AGBL1: variants seen among roughly 807,000 people sequenced by gnomAD.
AGBL1 encodes AGBL carboxypeptidase 1, also known as cytosolic carboxypeptidase 4.
Under a neutral mutation model 118.9 loss-of-function variants are expected in AGBL1, and 130 were observed. The ratio of observed to expected loss-of-function variants is 1.09; its 90% CI spans 0.95 to 1.26. The LOEUF is 1.26. Ranked by LOEUF, AGBL1 falls within the 50% of genes most tolerant of loss-of-function variation. The probability of loss-of-function intolerance (pLI) is 0.00; values close to 1 mark genes in which losing one functional copy is unlikely to be tolerated. For synonymous variants in AGBL1, 555 were observed against 478.9 expected, an observed-to-expected ratio of 1.16 and a Z score of -2.08; for missense variants, 1,584 against 1,298.1, an observed-to-expected ratio of 1.22 and a Z score of -3.38.
At chr15:86,691,453 G>A (rs942240068) in intron 22 of AGBL1, among the ~76,000 whole-genome samples, 12 of 152,120 alleles carry the variant, frequency 7.9e-5, no homozygotes, top group African/African-American at 2.9e-4. Flanking sequence ...TTGTTTCTCT[G>A]CATTGGCCAA....
chr15:86,904,332 T>G (rs1398481150), intron 22 of AGBL1, among the ~76,000 whole-genome samples: 1 of 151,616 alleles, frequency 6.6e-6, no homozygotes, highest in Admixed American at 6.6e-5. Flanking sequence ...CGTTTCAGTG[T>G]CTTCTTATTT....
chr15:86,577,710 C>T (rs2084111967), intron 21 of AGBL1, among the ~76,000 whole-genome samples: 3 of 152,142 alleles, frequency 2.0e-5, no homozygotes, highest in Admixed American at 6.5e-5. Flanking sequence ...CCCTGTGTCC[C>T]AGTCACTCCA....
chr15:86,308,269 G>C (rs2079870026), intron 17 of AGBL1, among the ~76,000 whole-genome samples: 1 of 152,062 alleles, frequency 6.6e-6, no homozygotes, highest in African/African-American at 2.4e-5. Context: ...GATTGTATTT[G>C]AAGTAAGGAA....
chr15:86,988,668 G>A (rs1286995586), intron 24 of AGBL1, among the ~76,000 whole-genome samples: 1 of 151,910 alleles, frequency 6.6e-6, no homozygotes, highest in Non-Finnish European at 1.5e-5. Flanking sequence ...TTAATATTTT[G>A]GCAATGCAAA....
intron 21 of AGBL1, among the ~76,000 whole-genome samples, chr15:86,588,860 C>T (rs1225942426): frequency 6.6e-6 from 1 of 152,092 alleles, no homozygotes; most frequent in Non-Finnish European, 1.5e-5. Context: ...TGTGTTAAGC[C>T]TTTATTATTT....
At chr15:86,653,730 T>G (rs2085416265) in intron 21 of AGBL1, among the ~76,000 whole-genome samples, 1 of 152,074 alleles carries the variant, frequency 6.6e-6, no homozygotes, top group Non-Finnish European at 1.5e-5. Flanking sequence ...AGGAAAGAGC[T>G]CATTTCAAAT....
chr15:86,243,764 T>C (rs1234254979), intron 6 of AGBL1, among the ~76,000 whole-genome samples: 3 of 152,212 alleles, frequency 2.0e-5, no homozygotes, highest in East Asian at 1.9e-4. Flanking sequence ...ATTCCAGCAC[T>C]TGGGGAGGCC....
rs1596259171 is a variant in AGBL1, at chr15:86,554,361, A to G, written c.2818A>G (p.Thr940Ala). 2 of 1,571,624 alleles carry G rather than the reference A, an allele frequency of 1.3e-6. No homozygotes were observed. The highest frequency in any genetic ancestry group is 1.7e-6 in the Non-Finnish European group (2 of 1,158,352). The change falls in exon 21 of 23, where the codon ACT becomes GCT. Residue 940 changes from threonine to alanine, a missense_variant and splice_region_variant. By Grantham distance (58) the Thr-to-Ala change is moderately conservative. Transcript: ENST00000614907. ...CGTTTGATTTTTGTTTTTACTGTAG[A>G]CTCTTCCCAAAATCCTTGATAAGCT... is the stretch of plus-strand genomic sequence containing the variant. Reference protein sequence around the residue: ...STILEEVNYRTLPKILDKLAP... With the variant: ...STILEEVNYRALPKILDKLAP...
At chr15:86,278,798 G>A (rs17666711) in intron 15 of AGBL1, among the ~76,000 whole-genome samples, 1,982 of 152,290 alleles carry the variant, frequency 0.013, 30 homozygotes, top group Non-Finnish European at 0.019. Context: ...AGCATCAGTT[G>A]GCAGCGTGTG....
At chr15:86,408,632 T>C (rs1407359221) in intron 18 of AGBL1, among the ~76,000 whole-genome samples, 7 of 152,210 alleles carry the variant, frequency 4.6e-5, no homozygotes, top group African/African-American at 1.7e-4. Flanking sequence ...TTTTGCTTCA[T>C]TTGGTTTTTA....
At chr15:86,151,473 C>T (rs2077109722) in intron 3 of AGBL1, among the ~76,000 whole-genome samples, 1 of 152,046 alleles carries the variant, frequency 6.6e-6, no homozygotes, top group East Asian at 1.9e-4. Context: ...CAACAAAATT[C>T]AGCCCTTCAT....
chr15:86,607,526 T>G (rs2084594631), intron 21 of AGBL1, among the ~76,000 whole-genome samples: 2 of 152,206 alleles, frequency 1.3e-5, no homozygotes, highest in South Asian at 4.1e-4. Context: ...TGTGGCATTT[T>G]GCATTCCCAG....
rs1390995284 is a variant in AGBL1 at position 86,850,350 on chromosome 15, T to G, written c.3159-56737T>G. Among the ~76,000 whole-genome samples the G allele has an allele frequency of 3.9e-5, 6 of 152,204 alleles. No individual in the cohort carries two copies. The East Asian group carries it at 1.2e-3, about 29-fold the overall frequency. Reference sequence around the variant, plus strand: ...ATGTTGGAGAAATTACCAATATGCATTGCTTTATTTGACTTCCCAGTCTTA... The same window carrying G: ...ATGTTGGAGAAATTACCAATATGCAGTGCTTTATTTGACTTCCCAGTCTTA... On this transcript the variant is annotated intron_variant, in intron 22 of 22. Transcript: ENST00000614907.
chr15:86,488,249 A>G (rs935362019), intron 18 of AGBL1, among the ~76,000 whole-genome samples: 1 of 151,992 alleles, frequency 6.6e-6, no homozygotes, highest in African/African-American at 2.4e-5. Context: ...CTGGGAAGTC[A>G]CCCGAAGATA....
intron 23 of AGBL1, among the ~76,000 whole-genome samples, chr15:86,930,015 T>C (rs556758403): frequency 1.3e-5 from 2 of 152,342 alleles, no homozygotes; most frequent in South Asian, 4.1e-4. Context: ...TTGTCTATCA[T>C]GCATTCCAAC....
At chr15:86,732,416 A>G (rs1164279838) in intron 22 of AGBL1, among the ~76,000 whole-genome samples, 1 of 152,100 alleles carries the variant, frequency 6.6e-6, no homozygotes, top group African/African-American at 2.4e-5. Flanking sequence ...TGCCCTTGTC[A>G]ATGCCTTTTT....
chr15:86,534,749 C>G (rs2083401329), intron 19 of AGBL1, among the ~76,000 whole-genome samples: 1 of 152,204 alleles, frequency 6.6e-6, no homozygotes, highest in Admixed American at 6.5e-5. Flanking sequence ...GGGTGAATCT[C>G]ATAAACATTA....
At chr15:86,302,912 T>C (rs1839121054) in intron 17 of AGBL1, among the ~76,000 whole-genome samples, 3 of 152,062 alleles carry the variant, frequency 2.0e-5, no homozygotes, top group Admixed American at 6.6e-5. Context: ...TTCTTTTTCA[T>C]GTTAAAAAGT....
intron 17 of AGBL1, among the ~76,000 whole-genome samples, chr15:86,304,011 T>C (rs541177280): frequency 6.6e-6 from 1 of 152,190 alleles, no homozygotes; most frequent in Admixed American, 6.5e-5. Context: ...ACTGTTGTAC[T>C]GACTGCCTCT....
Sources: gnomAD v4.1 joint callset for allele counts (sites outside exome capture counted in the v4.1 genomes callset) on GRCh38, gnomAD v4.1.1 for gene constraint, MANE v1.5 for transcripts, NCBI Gene and HGNC (gene_info 2026-07-23, HGNC 2026-07-21) for gene names.